Variants in MARCHF8 observed in about 807,000 individuals in gnomAD.
MARCHF8 encodes the protein E3 ubiquitin-protein ligase MARCHF8.
A neutral mutation model predicts 51.6 loss-of-function variants in MARCHF8; 40 were observed. The observed-to-expected ratio is 0.77, with a 90% confidence interval of 0.60 to 1.01. The LOEUF is 1.01. Ranked by LOEUF, MARCHF8 falls within the 50% of genes least tolerant of loss-of-function variation. The probability of loss-of-function intolerance (pLI) is 0.00; values close to 1 mark genes in which losing one functional copy is unlikely to be tolerated. For synonymous variants in MARCHF8, 263 were observed against 280.3 expected, an observed-to-expected ratio of 0.94 and a Z score of 0.62; for missense variants, 685 against 708.6, an observed-to-expected ratio of 0.97 and a Z score of 0.38.
At chr10:45,551,839 G>GTA (rs1345164972) in intron 1 of MARCHF8, among the ~76,000 whole-genome samples, 1 of 139,908 alleles carries the variant, frequency 7.1e-6, no homozygotes, top group Non-Finnish European at 1.6e-5. Context: ...AGGTATATCT[G>GTA]TACACACACA....
In MARCHF8 at chr10:45,524,304, A is replaced by AT. The variant is rs1488844514; in HGVS notation, c.102+8805dup. ...AATGTTAAGCATGCTACAACTTTCTATACATGTTTGAGCCAACTAGGAGAT... is the reference window on the plus strand; with the variant it reads ...AATGTTAAGCATGCTACAACTTTCTATTACATGTTTGAGCCAACTAGGAGAT... On this transcript the variant is annotated intron_variant, in intron 2 of 7. Coordinates refer to ENST00000453424, the MANE Select transcript of MARCHF8 (RefSeq NM_001282866.2). 2.0e-5 allele frequency among the ~76,000 whole-genome samples: 3 copies of AT among 152,234 alleles called. No homozygotes were observed. In the East Asian group the frequency reaches 5.8e-4, roughly 29 times the overall value.
Position 45,456,033 on chromosome 10 carries a change from T to C in MARCHF8, c.*2206A>G, listed in dbSNP as rs953680771. On this transcript the variant is annotated 3_prime_UTR_variant, in exon 8 of 8. Transcript: ENST00000453424. ...GTCTTGGTGCTTTTCAAGTTCAGCA[T>C]AAGGGGTTCCATATGTGAAGTGGGG... is the stretch of plus-strand genomic sequence containing the variant. 2 of 152,258 alleles carry C rather than the reference T, an allele frequency of 1.3e-5. No homozygotes were observed. Among genetic ancestry groups the C allele is most frequent in the Non-Finnish European group, 2.9e-5 (2 of 68,044 alleles). 9.4% of individuals were successfully genotyped at this position (152,258 alleles called of 1,614,324 possible). A position where few individuals can be genotyped will look rare whatever the true frequency, so the allele number is the denominator to read the frequency against.
chr10:45,528,812 C>G (rs1326152877), intron 2 of MARCHF8, among the ~76,000 whole-genome samples: 4 of 152,104 alleles, frequency 2.6e-5, no homozygotes, highest in Non-Finnish European at 5.9e-5. Flanking sequence ...ACAAGAAAAA[C>G]TACAAAACGC....
intron 2 of MARCHF8, among the ~76,000 whole-genome samples, chr10:45,493,291 TTC>T: frequency 6.6e-6 from 1 of 152,304 alleles, no homozygotes; most frequent in African/African-American, 2.4e-5. Context: ...CAAACTAAGC[TTC>T]AATGCCCAAG....
chr10:45,569,269 G>A (rs1020197476), intron 1 of MARCHF8, among the ~76,000 whole-genome samples: 1 of 152,064 alleles, frequency 6.6e-6, no homozygotes, highest in Non-Finnish European at 1.5e-5. Context: ...GTTGAGGTAT[G>A]TTCCCTCTAT....
chr10:45,542,576 C>A (rs1324601100), intron 1 of MARCHF8, among the ~76,000 whole-genome samples: 1 of 152,068 alleles, frequency 6.6e-6, no homozygotes. Flanking sequence ...AGACTACTTT[C>A]CTAAAAACCT....
intron 6 of MARCHF8, 30 bp downstream of exon 6, chr10:45,461,201 A>G: frequency 7.0e-7 from 1 of 1,429,810 alleles, no homozygotes; most frequent in Non-Finnish European, 9.3e-7. Context: ...TGGTTTCAGG[A>G]AGGGTGAAGC....
At chr10:45,569,039 G>A (rs372064292) in intron 1 of MARCHF8, among the ~76,000 whole-genome samples, 13 of 147,726 alleles carry the variant, frequency 8.8e-5, no homozygotes, top group African/African-American at 2.5e-4. Context: ...CACTCCAGCC[G>A]GGGCGACAGA....
At chr10:45,498,766 G>A (rs1013778694) in intron 2 of MARCHF8, among the ~76,000 whole-genome samples, 1 of 152,230 alleles carries the variant, frequency 6.6e-6, no homozygotes, top group African/African-American at 2.4e-5. Flanking sequence ...GTGAGCCGCT[G>A]TGCCCAGCCA....
intron 2 of MARCHF8, among the ~76,000 whole-genome samples, chr10:45,524,817 A>T (rs1344371406): frequency 6.6e-6 from 1 of 152,192 alleles, no homozygotes; most frequent in African/African-American, 2.4e-5. Context: ...CCAAAAAAAA[A>T]AGCACAAAAC....
chr10:45,557,787 G>A (rs1287861626), intron 1 of MARCHF8, among the ~76,000 whole-genome samples: 5 of 152,130 alleles, frequency 3.3e-5, no homozygotes, highest in Admixed American at 2.6e-4. Flanking sequence ...TTTAACAAAG[G>A]CTTACCACTG....
intron 1 of MARCHF8, among the ~76,000 whole-genome samples, chr10:45,570,299 A>G (rs2044414838): frequency 6.6e-6 from 1 of 152,208 alleles, no homozygotes; most frequent in Admixed American, 6.5e-5. Flanking sequence ...TAACTTACAA[A>G]AAGAATAATA....
chr10:45,557,463 T>C (rs2044265439), intron 1 of MARCHF8, among the ~76,000 whole-genome samples: 1 of 152,058 alleles, frequency 6.6e-6, no homozygotes. Flanking sequence ...TCCTACCCAT[T>C]GTCTATTCTA....
In MARCHF8 at chr10:45,463,724, A is replaced by C. The variant is rs1487227238; in HGVS notation, c.515T>G (p.Phe172Cys). The C allele has an allele frequency of 6.4e-7, 1 of 1,551,186 alleles. No individual in the cohort carries two copies. Among genetic ancestry groups the C allele is most frequent in the Admixed American group, 2.0e-5 (1 of 51,014 alleles). Residue 172 changes from phenylalanine (F) to cysteine (C), a missense_variant, in exon 5 of 8, where the codon TTT (phenylalanine) becomes TGT (cysteine). Physicochemically the swap from Phe to Cys is radical, Grantham distance 205. Transcript: ENST00000453424. ...GEKAQDTSESFAYVERTCSEG... is the reference protein window; with the variant it reads ...GEKAQDTSESCAYVERTCSEG... ...AGAACAAGTTCTTTCCACATAGGCAAAACTTTCTGAAGTATCCTGCGCCTT... is the reference window on the plus strand; with the variant it reads ...AGAACAAGTTCTTTCCACATAGGCACAACTTTCTGAAGTATCCTGCGCCTT...
At chr10:45,567,402 T>C (rs2044377231) in intron 1 of MARCHF8, among the ~76,000 whole-genome samples, 1 of 152,230 alleles carries the variant, frequency 6.6e-6, no homozygotes, top group Non-Finnish European at 1.5e-5. Flanking sequence ...AGTAGTTTCA[T>C]AGTTTGAGGT....
rs1269308149 is a variant in MARCHF8 at position 45,557,284 on chromosome 10, AC to A, written c.-78-23996del. 1.6e-4 allele frequency among the ~76,000 whole-genome samples: 24 copies of A among 151,792 alleles called. 1 individual carries two copies. Among genetic ancestry groups the A allele is most frequent in the Non-Finnish European group, 3.2e-4 (22 of 67,956 alleles). Reference sequence around the variant, plus strand: ...GCTGAGATTACAGGTGTGCGCCATCACGCCTGGCTAACTTTTCTATTTTTAG... The same window carrying A: ...GCTGAGATTACAGGTGTGCGCCATCAGCCTGGCTAACTTTTCTATTTTTAG... On this transcript the variant is annotated intron_variant, in intron 1 of 6. Coordinates refer to the MARCHF8 transcript ENST00000319836.
At chr10:45,508,842 T>C (rs886506083) in intron 2 of MARCHF8, among the ~76,000 whole-genome samples, 3 of 152,244 alleles carry the variant, frequency 2.0e-5, no homozygotes, top group Non-Finnish European at 4.4e-5. Context: ...AATTTTTTTA[T>C]TGACTTTATT....
At chr10:45,477,377 T>C (rs1404085981) in intron 3 of MARCHF8, among the ~76,000 whole-genome samples, 1 of 152,082 alleles carries the variant, frequency 6.6e-6, no homozygotes, top group African/African-American at 2.4e-5. Flanking sequence ...GTATTTGCCA[T>C]CATGAAAACA....
upstream of MARCHF8, among the ~76,000 whole-genome samples, chr10:45,539,906 TAACA>T (rs2044026914): frequency 6.6e-6 from 1 of 152,170 alleles, no homozygotes; most frequent in African/African-American, 2.4e-5. Flanking sequence ...TACACTCCAA[TAACA>T]GACAGAGAGC....
Sources: allele counts gnomAD v4.1 joint callset (sites outside exome capture counted in the v4.1 genomes callset), GRCh38; gene constraint gnomAD v4.1.1; transcripts MANE v1.5; gene names NCBI Gene and HGNC (gene_info 2026-07-23, HGNC 2026-07-21).